ADAT1: variants seen among roughly 807,000 people sequenced by gnomAD.
ADAT1 encodes the protein adenosine deaminase tRNA specific 1, also known as tRNA-specific adenosine deaminase 1.
In ADAT1, 58 loss-of-function variants were observed where a neutral mutation model predicts 58.6. That is an observed-to-expected ratio of 0.99 (90% CI 0.80 to 1.23). ADAT1 has a LOEUF of 1.23. Among genes scored for constraint, ADAT1 ranks in the 50% most tolerant of loss-of-function variants. The pLI is 0.00. For synonymous variants in ADAT1, 254 were observed against 220.8 expected (o/e 1.15, Z -1.33); for missense variants, 741 against 608.6 (o/e 1.22, Z -2.29).
intron 6 of ADAT1, among the ~76,000 whole-genome samples, chr16:75,611,135 C>A (rs1334290537): frequency 6.6e-6 from 1 of 151,960 alleles, no homozygotes; most frequent in African/African-American, 2.4e-5. Context: ...ATTCTGAAAG[C>A]CCCAAACTAA....
chr16:75,611,493 C>A (rs80302582), intron 6 of ADAT1, among the ~76,000 whole-genome samples: 1 of 151,968 alleles, frequency 6.6e-6, no homozygotes, highest in Non-Finnish European at 1.5e-5. Context: ...GTCAGGTGAT[C>A]CTCCTGCCTC....
chr16:75,610,229 T>C (rs1409377379), intron 6 of ADAT1, among the ~76,000 whole-genome samples: 1 of 152,202 alleles, frequency 6.6e-6, no homozygotes, highest in Non-Finnish European at 1.5e-5. Context: ...TGGACATTTG[T>C]CTTTTTGTTT....
At chr16:75,615,205 C>T (rs1028470286) in intron 5 of ADAT1, among the ~76,000 whole-genome samples, 2 of 150,522 alleles carry the variant, frequency 1.3e-5, no homozygotes, top group East Asian at 1.9e-4. Context: ...AAAATTCAAT[C>T]GCCATCACTT....
chr16:75,617,098 A>G, intron 5 of ADAT1, 44 bp downstream of exon 5: 2 of 1,574,152 alleles, frequency 1.3e-6, no homozygotes, highest in Non-Finnish European at 8.7e-7. Context: ...AAACATAAGG[A>G]AGTAGTTCAT....
chr16:75,621,500 G>T (rs1457995605), intron 1 of ADAT1, among the ~76,000 whole-genome samples: 1 of 152,028 alleles, frequency 6.6e-6, no homozygotes, highest in East Asian at 2.0e-4. Context: ...GATAACAATA[G>T]TATCTAACCT....
intron 1 of ADAT1, among the ~76,000 whole-genome samples, chr16:75,621,546 G>A (rs182185786): frequency 3.0e-4 from 45 of 152,192 alleles, no homozygotes; most frequent in Admixed American, 1.0e-3. Context: ...AATACTTAGG[G>A]TTACTGTGAG....
At chr16:75,607,158 A>C (rs1049273628) in intron 8 of ADAT1, among the ~76,000 whole-genome samples, 6 of 152,228 alleles carry the variant, frequency 3.9e-5, no homozygotes, top group Admixed American at 3.9e-4. Flanking sequence ...TAATAAGTAC[A>C]TAAAAAGATG....
chr16:75,615,688 T>G (rs2081688113), intron 5 of ADAT1, among the ~76,000 whole-genome samples: 1 of 152,086 alleles, frequency 6.6e-6, no homozygotes, highest in Admixed American at 6.6e-5. Flanking sequence ...AGGCTATAGC[T>G]GTCACTGGGA....
At chr16:75,609,702 A>G (rs542737518) in intron 6 of ADAT1, among the ~76,000 whole-genome samples, 1 of 152,150 alleles carries the variant, frequency 6.6e-6, no homozygotes, top group South Asian at 2.1e-4. Flanking sequence ...TTCCCTGGTA[A>G]CCACTTAAAT....
intron 5 of ADAT1, among the ~76,000 whole-genome samples, chr16:75,613,163 G>C (rs904514341): frequency 4.6e-5 from 7 of 152,192 alleles, no homozygotes; most frequent in Non-Finnish European, 1.0e-4. Flanking sequence ...TCTTGTTGAA[G>C]ACTCTATCCT....
In ADAT1 at chr16:75,600,328, T is replaced by C. The variant is rs746050947; in HGVS notation, c.1397A>G (p.Tyr466Cys). The C allele has an allele frequency of 6.2e-7, 1 of 1,613,922 alleles. No individual in the cohort carries two copies. The highest frequency in any genetic ancestry group is 8.5e-7 in the Non-Finnish European group (1 of 1,180,018). The change falls in exon 10 of 10, where the codon TAC becomes TGC. Residue 466 changes from tyrosine (Y) to cysteine (C), a missense_variant. Physicochemically the swap from Tyr to Cys is radical, Grantham distance 194 (BLOSUM62 -2). Coordinates refer to ENST00000564657, the MANE Select transcript of ADAT1 (RefSeq NM_001324445.2). ...HSLRVQKLDTYQEYKEAASSY... is the reference protein window; with the variant it reads ...HSLRVQKLDTCQEYKEAASSY... Reference sequence around the variant, plus strand: ...GGACGCAGCCTCCTTGTACTCCTGGTAGGTATCCAGCTTCTGCACCCTAAT... The same window carrying C: ...GGACGCAGCCTCCTTGTACTCCTGGCAGGTATCCAGCTTCTGCACCCTAAT...
At chr16:75,610,804 TTAAAAAAA>T (rs1003901556) in intron 6 of ADAT1, among the ~76,000 whole-genome samples, 35 of 152,290 alleles carry the variant, frequency 2.3e-4, no homozygotes, top group African/African-American at 7.9e-4. Context: ...ACTTTTAACT[TTAAAAAAA>T]TTAAAACTAA....
chr16:75,602,829 G>A (rs993310586), intron 9 of ADAT1, among the ~76,000 whole-genome samples: 1 of 152,178 alleles, frequency 6.6e-6, no homozygotes. Context: ...GGAATCAAAG[G>A]AGGGCCTGGA....
chr16:75,616,819 C>G (rs1204751102), intron 5 of ADAT1, among the ~76,000 whole-genome samples: 2 of 152,204 alleles, frequency 1.3e-5, no homozygotes, highest in Admixed American at 1.3e-4. Context: ...GGATAAGTCA[C>G]TATAGGATTT....
At chr16:75,620,446 A>C in intron 2 of ADAT1, 112 bp from the exon 3 acceptor site, 1 of 1,438,578 alleles carries the variant, frequency 7.0e-7, no homozygotes, top group East Asian at 2.3e-5. Flanking sequence ...CCACTCAACC[A>C]AGGTCTGCGG....
At chr16:75,601,401 G>A (rs2081226522) in intron 9 of ADAT1, among the ~76,000 whole-genome samples, 1 of 150,782 alleles carries the variant, frequency 6.6e-6, no homozygotes. Flanking sequence ...CCAGGCTCTT[G>A]GTCACATGCA....
chr16:75,601,372 AT>A (rs1447085235), intron 9 of ADAT1, among the ~76,000 whole-genome samples: 2 of 152,080 alleles, frequency 1.3e-5, no homozygotes, highest in Non-Finnish European at 2.9e-5. Flanking sequence ...ACTACTAGTT[AT>A]CAAAACCCTA....
chr16:75,603,215 T>C (rs776366768), intron 8 of ADAT1, 44 bp from the exon 9 acceptor site: 29 of 1,533,954 alleles, frequency 1.9e-5, no homozygotes, highest in Non-Finnish European at 1.8e-6. Context: ...AAGTGTTTAG[T>C]ATGTTCTAAG....
intron 4 of ADAT1, among the ~76,000 whole-genome samples, chr16:75,618,097 C>CAAAA (rs2081795036): frequency 1.7e-5 from 1 of 57,924 alleles, no homozygotes; most frequent in Non-Finnish European, 3.3e-5. Context: ...GACCCTGTGT[C>CAAAA]CAAAAAAAAA....
Sources: gnomAD v4.1 joint callset for allele counts (sites outside exome capture counted in the v4.1 genomes callset) on GRCh38, gnomAD v4.1.1 for gene constraint, MANE v1.5 for transcripts, NCBI Gene and HGNC (gene_info 2026-07-23, HGNC 2026-07-21) for gene names.